Variants in KPNA6 observed in about 807,000 individuals in gnomAD.
KPNA6 encodes the protein karyopherin subunit alpha 6.
KPNA6 carries 9 observed loss-of-function variants against 72.0 expected under a neutral mutation model. The observed-to-expected ratio is 0.13, with a 90% CI of 0.08 to 0.22. The LOEUF (loss-of-function observed/expected upper bound fraction) is 0.22, where lower values mean the gene tolerates loss of function less well. KPNA6 is among the 10% of genes least tolerant of loss of function. KPNA6 has a pLI of 1.00. For synonymous variants in KPNA6, 219 were observed against 242.1 expected (o/e 0.90, Z 0.89); for missense variants, 374 against 655.7 (o/e 0.57, Z 4.69).
chr1:32,167,735 A>G (rs1335121506), intron 12 of KPNA6, among the ~76,000 whole-genome samples: 2 of 151,850 alleles, frequency 1.3e-5, no homozygotes, highest in African/African-American at 2.4e-5. Context: ...GCGTGGTGGC[A>G]TGTGCCTATA....
intron 1 of KPNA6, among the ~76,000 whole-genome samples, chr1:32,120,871 CTTTT>C (rs767698422): frequency 1.7e-5 from 2 of 120,578 alleles, no homozygotes; most frequent in Non-Finnish European, 3.5e-5. Context: ...GGAGTTCCTT[CTTTT>C]TTTTTTTTTT....
At chr1:32,156,781 AT>A (rs1642151759) in intron 2 of KPNA6, 71 bp from the exon 3 acceptor site, 1 of 1,188,942 alleles carries the variant, frequency 8.4e-7, no homozygotes, top group Non-Finnish European at 1.2e-6. Context: ...TTATGCCATA[AT>A]TTAACATTGG....
intron 1 of KPNA6, among the ~76,000 whole-genome samples, chr1:32,131,317 T>G (rs551341274): frequency 1.9e-3 from 293 of 152,084 alleles, no homozygotes; most frequent in South Asian, 5.2e-3. Context: ...CTTAGGGGTA[T>G]ATCTTCATGG....
At chr1:32,166,033 C>CAA in intron 10 of KPNA6, 72 bp from the exon 11 acceptor site, 3 of 1,409,462 alleles carry the variant, frequency 2.1e-6, no homozygotes, top group Non-Finnish European at 2.8e-6. Flanking sequence ...ACAACAACAA[C>CAA]AACAAAAAAA....
At chr1:32,151,530 A>G (rs1642032704) in intron 1 of KPNA6, among the ~76,000 whole-genome samples, 1 of 152,106 alleles carries the variant, frequency 6.6e-6, no homozygotes, top group Non-Finnish European at 1.5e-5. Context: ...CCTCGCTGGA[A>G]TGCTGTCTCA....
chr1:32,155,064 C>T (rs1221987761), intron 2 of KPNA6, among the ~76,000 whole-genome samples: 5 of 130,264 alleles, frequency 3.8e-5, no homozygotes, highest in Non-Finnish European at 7.8e-5. Context: ...GAGCTGAGTT[C>T]GTGCCATTGC....
chr1:32,160,587 G>A lies in KPNA6; in HGVS notation c.559-28G>A, dbSNP rs757723333. 3.8e-6 allele frequency: 6 copies of A among 1,578,240 alleles called. No individual in the cohort carries two copies. In the African/African-American group the frequency reaches 6.7e-5, roughly 18 times the overall value. On this transcript the variant is annotated intron_variant, in intron 6 of 13. Transcript: ENST00000373625. ...ACTCACAGGAGTACCAAGCTTTGTG[G>A]GTGACAGTTTCATTATCCCCTTTTC...
Position 32,167,254 on chromosome 1 carries a change from C to T in KPNA6, c.1202C>T (p.Ala401Val). The T allele has an allele frequency of 6.2e-7, 1 of 1,614,120 alleles. No homozygotes were observed. Among genetic ancestry groups the T allele is most frequent in the Middle Eastern group, 1.6e-4 (1 of 6,062 alleles). ...EFRTRKEAAW[A>V]ITNATSGGTP... ...CGTACAAGGAAAGAGGCAGCCTGGG[C>T]CATCACCAATGCCACATCAGGAGGA... Residue 401 changes from alanine to valine, a missense_variant, in exon 12 of 14, where the codon GCC (alanine) becomes GTC (valine). By Grantham distance (64) the Ala-to-Val change is moderately conservative. Coordinates refer to ENST00000373625, the MANE Select transcript of KPNA6 (RefSeq NM_012316.5).
At chr1:32,136,842 A>G (rs1338316860) in intron 1 of KPNA6, among the ~76,000 whole-genome samples, 3 of 152,236 alleles carry the variant, frequency 2.0e-5, no homozygotes, top group Non-Finnish European at 2.9e-5. Context: ...GAGACATCAT[A>G]CACTATTACT....
At chr1:32,164,574 G>T (rs551245664) in intron 10 of KPNA6, among the ~76,000 whole-genome samples, 29 of 147,912 alleles carry the variant, frequency 2.0e-4, no homozygotes, top group East Asian at 8.0e-4. Context: ...TTTTTTTTTT[G>T]ATAATACCCA....
chr1:32,142,845 A>T, intron 1 of KPNA6: 10 of 791,410 alleles, frequency 1.3e-5, no homozygotes, highest in Non-Finnish European at 1.7e-5. Flanking sequence ...CTTCCAATCT[A>T]ACCTCCCTTG....
chr1:32,135,860 A>G (rs902601673), intron 1 of KPNA6, among the ~76,000 whole-genome samples: 1 of 152,000 alleles, frequency 6.6e-6, no homozygotes, highest in African/African-American at 2.4e-5. Flanking sequence ...ACCAAAAATC[A>G]TACTAAATAT....
At chr1:32,169,388 G>T (rs1323833350) in intron 12 of KPNA6, among the ~76,000 whole-genome samples, 1 of 151,390 alleles carries the variant, frequency 6.6e-6, no homozygotes, top group Non-Finnish European at 1.5e-5. Context: ...GGACTTGGTT[G>T]GGGAACACTC....
chr1:32,114,093 C>A (rs1279202881), intron 1 of KPNA6, among the ~76,000 whole-genome samples: 1 of 151,998 alleles, frequency 6.6e-6, no homozygotes, highest in Non-Finnish European at 1.5e-5. Flanking sequence ...TTAATTCATA[C>A]AGAATGGATG....
intron 1 of KPNA6, among the ~76,000 whole-genome samples, chr1:32,129,120 C>T (rs1641591127): frequency 6.6e-6 from 1 of 151,474 alleles, no homozygotes; most frequent in Admixed American, 6.6e-5. Flanking sequence ...CCCTCCCTCT[C>T]TCTCTCTCCC....
intron 1 of KPNA6, among the ~76,000 whole-genome samples, chr1:32,121,897 C>T (rs1224755703): frequency 1.3e-5 from 2 of 152,044 alleles, no homozygotes; most frequent in African/African-American, 4.8e-5. Flanking sequence ...CACTTGAACC[C>T]GGGAGGCAGA....
chr1:32,159,735 A>G (rs969720599), intron 6 of KPNA6, among the ~76,000 whole-genome samples: 5 of 152,174 alleles, frequency 3.3e-5, no homozygotes, highest in Admixed American at 2.0e-4. Flanking sequence ...CGGACTCTGC[A>G]TTAACTCTAG....
chr1:32,127,017 C>T lies in KPNA6; in HGVS notation c.4+18883C>T, dbSNP rs144192671. Among the ~76,000 whole-genome samples, 1,277 of 152,240 alleles carry T rather than the reference C, an allele frequency of 8.4e-3. 24 individuals carry two copies. Among genetic ancestry groups the T allele is most frequent in the African/African-American group, 0.029 (1,219 of 41,524 alleles). On this transcript the variant is annotated intron_variant, in intron 1 of 13. Transcript: ENST00000373625. Reference sequence around the variant, plus strand: ...AGGAGGTGAGAAGAAAAAGGGAACACCATTGATTCAGCATTTAGGCCCTAG... The same window carrying T: ...AGGAGGTGAGAAGAAAAAGGGAACATCATTGATTCAGCATTTAGGCCCTAG...
chr1:32,154,797 T>C, intron 2 of KPNA6, 76 bp downstream of exon 2: 1 of 1,497,886 alleles, frequency 6.7e-7, no homozygotes, highest in Non-Finnish European at 9.2e-7. Flanking sequence ...CCATGCACCC[T>C]GACTTGCCCT....
Sources: gnomAD v4.1 joint callset for allele counts (sites outside exome capture counted in the v4.1 genomes callset) on GRCh38, gnomAD v4.1.1 for gene constraint, MANE v1.5 for transcripts, NCBI Gene and HGNC (gene_info 2026-07-23, HGNC 2026-07-21) for gene names.